The following SH3RF1 variants were observed in gnomAD, a reference collection of about 807,000 sequenced individuals.
SH3RF1 encodes SH3 domain containing ring finger 1.
In SH3RF1, 32 loss-of-function variants were observed where a neutral mutation model predicts 74.0. The ratio of observed to expected loss-of-function variants is 0.43; its 90% CI spans 0.33 to 0.58. The LOEUF (loss-of-function observed/expected upper bound fraction) is 0.58, where lower values mean the gene tolerates loss of function less well. Ranked by LOEUF, SH3RF1 falls within the 20% of genes least tolerant of loss-of-function variation. The pLI is 0.05. For synonymous variants in SH3RF1, 396 were observed against 439.6 expected (o/e 0.90, Z 1.24); for missense variants, 954 against 1,130.9 (o/e 0.84, Z 2.24).
chr4:169,122,384 G>A, intron 6 of SH3RF1, 118 bp from the exon 7 acceptor site: 1 of 1,180,052 alleles, frequency 8.5e-7, no homozygotes, highest in Non-Finnish European at 1.2e-6. Flanking sequence ...AGACTTTAAT[G>A]GAATCCACAC....
intron 4 of SH3RF1, among the ~76,000 whole-genome samples, chr4:169,139,036 C>T (rs754010593): frequency 2.6e-5 from 4 of 152,160 alleles, no homozygotes; most frequent in Admixed American, 6.5e-5. Flanking sequence ...AGTGCAGCCT[C>T]GAACTCCTGG....
At chr4:169,157,080 G>A (rs891813321) in intron 2 of SH3RF1, among the ~76,000 whole-genome samples, 3 of 152,176 alleles carry the variant, frequency 2.0e-5, no homozygotes, top group Admixed American at 2.0e-4. Flanking sequence ...ACACTGAGGA[G>A]AAATGATAGA....
intron 3 of SH3RF1, among the ~76,000 whole-genome samples, chr4:169,155,861 C>A (rs1027557411): frequency 2.1e-5 from 3 of 140,454 alleles, no homozygotes; most frequent in Non-Finnish European, 3.1e-5. Context: ...GATACCTACC[C>A]TAGCCTCCTG....
At chr4:169,206,513 A>C (rs1730266762) in intron 2 of SH3RF1, among the ~76,000 whole-genome samples, 1 of 152,228 alleles carries the variant, frequency 6.6e-6, no homozygotes, top group African/African-American at 2.4e-5. Context: ...TCTCCATAAA[A>C]AATTTTTAAA....
chr4:169,248,949 C>T (rs1045591605), intron 2 of SH3RF1, among the ~76,000 whole-genome samples: 12 of 152,180 alleles, frequency 7.9e-5, no homozygotes, highest in Non-Finnish European at 1.3e-4. Flanking sequence ...CAATTAGGGA[C>T]GGGCCCAGTG....
At chr4:169,186,890 T>C (rs934709647) in intron 2 of SH3RF1, among the ~76,000 whole-genome samples, 3 of 149,234 alleles carry the variant, frequency 2.0e-5, no homozygotes, top group African/African-American at 4.9e-5. Flanking sequence ...GGCGGGTGAC[T>C]GTGGTCCCAG....
chr4:169,152,017 C>G (rs1204513930), intron 4 of SH3RF1, among the ~76,000 whole-genome samples: 2 of 152,154 alleles, frequency 1.3e-5, no homozygotes, highest in African/African-American at 4.8e-5. Context: ...TTACAGAAAA[C>G]TAGTGTTTTT....
At chr4:169,233,323 A>C (rs1328174970) in intron 2 of SH3RF1, among the ~76,000 whole-genome samples, 1 of 152,010 alleles carries the variant, frequency 6.6e-6, no homozygotes, top group East Asian at 1.9e-4. Flanking sequence ...GCTTAATTTA[A>C]CATTCCGGTT....
chr4:169,253,577 A>G (rs1429866312), intron 2 of SH3RF1, among the ~76,000 whole-genome samples: 2 of 152,172 alleles, frequency 1.3e-5, no homozygotes, highest in African/African-American at 2.4e-5. Flanking sequence ...TTAATTTTGA[A>G]TGTGCATGTT....
intron 2 of SH3RF1, among the ~76,000 whole-genome samples, chr4:169,192,074 A>G (rs1486213569): frequency 2.0e-5 from 3 of 152,248 alleles, no homozygotes; most frequent in African/African-American, 7.2e-5. Flanking sequence ...GAGCTTTTGC[A>G]CAGCAAAAGA....
At chr4:169,250,672 C>T (rs938930058) in intron 2 of SH3RF1, among the ~76,000 whole-genome samples, 35 of 152,054 alleles carry the variant, frequency 2.3e-4, no homozygotes, top group African/African-American at 7.5e-4. Flanking sequence ...GAGCCTACTG[C>T]CTATTGTGGG....
intron 2 of SH3RF1, among the ~76,000 whole-genome samples, chr4:169,157,722 T>C (rs1215426524): frequency 6.6e-6 from 1 of 151,682 alleles, no homozygotes; most frequent in African/African-American, 2.4e-5. Context: ...CCAGAAAACA[T>C]TTATCAAGCT....
At chr4:169,187,965 G>A (rs570592015) in intron 2 of SH3RF1, among the ~76,000 whole-genome samples, 1 of 152,254 alleles carries the variant, frequency 6.6e-6, no homozygotes, top group African/African-American at 2.4e-5. Flanking sequence ...AAAACACAGA[G>A]ACATCAGAGT....
At chr4:169,179,857 A>T (rs1478409763) in intron 2 of SH3RF1, among the ~76,000 whole-genome samples, 1 of 152,002 alleles carries the variant, frequency 6.6e-6, no homozygotes, top group East Asian at 1.9e-4. Flanking sequence ...AGAATTATGT[A>T]TTTTTTTTCC....
At chr4:169,261,542 A>C (rs528971677) in intron 2 of SH3RF1, among the ~76,000 whole-genome samples, 121 of 152,088 alleles carry the variant, frequency 8.0e-4, no homozygotes, top group African/African-American at 2.4e-3. Context: ...TAAGAATAAT[A>C]ATGTATAGTG....
chr4:169,202,393 A>C (rs1266113153), intron 2 of SH3RF1, among the ~76,000 whole-genome samples: 1 of 137,496 alleles, frequency 7.3e-6, no homozygotes, highest in African/African-American at 2.7e-5. Flanking sequence ...ATAGAGTACA[A>C]ATTTTAAAGC....
intron 10 of SH3RF1, among the ~76,000 whole-genome samples, chr4:169,114,961 G>C (rs1447385430): frequency 1.3e-5 from 2 of 152,108 alleles, no homozygotes; most frequent in Admixed American, 1.3e-4. Flanking sequence ...GGGGAAATGT[G>C]TAAAATATTG....
chr4:169,191,786 G>C (rs1197438582), intron 2 of SH3RF1, among the ~76,000 whole-genome samples: 1 of 151,972 alleles, frequency 6.6e-6, no homozygotes, highest in Non-Finnish European at 1.5e-5. Context: ...AAAACAAAGT[G>C]GGGGAGAAAA....
chr4:169,132,929 C>A (rs1733642578), intron 5 of SH3RF1, among the ~76,000 whole-genome samples: 1 of 152,208 alleles, frequency 6.6e-6, no homozygotes, highest in South Asian at 2.1e-4. Context: ...GGCGACCCAC[C>A]TGGAAAGCAC....
Sources: allele counts gnomAD v4.1 joint callset (sites outside exome capture counted in the v4.1 genomes callset), GRCh38; gene constraint gnomAD v4.1.1; transcripts MANE v1.5; gene names NCBI Gene and HGNC (gene_info 2026-07-23, HGNC 2026-07-21).